LRRTM4: variants seen among roughly 807,000 people sequenced by gnomAD.
LRRTM4 encodes leucine-rich repeat transmembrane neuronal protein 4.
In LRRTM4, 25 loss-of-function variants were observed where a neutral mutation model predicts 47.6. The observed-to-expected ratio is 0.53, with a 90% CI of 0.38 to 0.73. The LOEUF (loss-of-function observed/expected upper bound fraction) is 0.73. Among genes scored for constraint, LRRTM4 ranks in the 30% least tolerant of loss-of-function variants. The pLI is 0.00. For synonymous variants in LRRTM4, 311 were observed against 269.5 expected, an observed-to-expected ratio of 1.15 and a Z score of -1.51; for missense variants, 638 against 713.4, an observed-to-expected ratio of 0.89 and a Z score of 1.20.
intron 3 of LRRTM4, among the ~76,000 whole-genome samples, chr2:77,360,537 A>ATACGATACGATACGATACGATACGATACG: frequency 8.3e-6 from 1 of 119,818 alleles, no homozygotes; most frequent in East Asian, 2.6e-4. Flanking sequence ...GATACGATAC[A>ATACGATACGATACGATACGATACGATACG]ATACAATCAT....
At chr2:76,845,593 G>C (rs1187204437) in intron 3 of LRRTM4, among the ~76,000 whole-genome samples, 2 of 152,106 alleles carry the variant, frequency 1.3e-5, no homozygotes, top group South Asian at 2.1e-4. Context: ...CCAGGTAGAG[G>C]GGAGCACTGA....
At chr2:77,094,190 C>T (rs1338749068) in intron 3 of LRRTM4, among the ~76,000 whole-genome samples, 1 of 151,940 alleles carries the variant, frequency 6.6e-6, no homozygotes, top group Non-Finnish European at 1.5e-5. Context: ...ATAATAGCAA[C>T]ACAAAATATA....
intron 3 of LRRTM4, among the ~76,000 whole-genome samples, chr2:77,045,699 C>T (rs1262936800): frequency 6.6e-6 from 1 of 151,898 alleles, no homozygotes; most frequent in African/African-American, 2.4e-5. Flanking sequence ...CTCCTCCTTG[C>T]CTTCCACCAT....
intron 3 of LRRTM4, among the ~76,000 whole-genome samples, chr2:77,079,925 AAT>A (rs1319084539): frequency 6.6e-6 from 1 of 152,050 alleles, no homozygotes; most frequent in Admixed American, 6.6e-5. Flanking sequence ...TTATGATAGA[AAT>A]ATATTTTTAA....
At chr2:77,372,979 T>TA (rs1672704817) in intron 3 of LRRTM4, among the ~76,000 whole-genome samples, 1 of 149,800 alleles carries the variant, frequency 6.7e-6, no homozygotes, top group South Asian at 2.1e-4. Context: ...AAAAGGGTCA[T>TA]AAGGAATATC....
At chr2:77,466,773 A>G (rs1051099418) in intron 3 of LRRTM4, among the ~76,000 whole-genome samples, 4 of 144,164 alleles carry the variant, frequency 2.8e-5, no homozygotes, top group African/African-American at 5.2e-5. Flanking sequence ...AACTCAGCTT[A>G]CTGCAACCTC....
chr2:77,415,260 C>T (rs1040864935), intron 3 of LRRTM4, among the ~76,000 whole-genome samples: 18 of 152,100 alleles, frequency 1.2e-4, no homozygotes, highest in African/African-American at 3.6e-4. Context: ...GTCTTAATTA[C>T]ATGTAACAGA....
chr2:76,819,591 G>A (rs2103853445), intron 3 of LRRTM4, among the ~76,000 whole-genome samples: 1 of 151,880 alleles, frequency 6.6e-6, no homozygotes, highest in African/African-American at 2.4e-5. Context: ...TCTATTTCAA[G>A]ATAATTTTGA....
intron 3 of LRRTM4, among the ~76,000 whole-genome samples, chr2:77,275,988 T>C (rs539757695): frequency 1.3e-5 from 2 of 152,118 alleles, no homozygotes; most frequent in East Asian, 3.9e-4. Context: ...TTTCAAAAAA[T>C]GGGAGTTTTG....
chr2:76,854,930 G>C (rs1426569096), intron 3 of LRRTM4, among the ~76,000 whole-genome samples: 7 of 147,624 alleles, frequency 4.7e-5, no homozygotes, highest in Non-Finnish European at 1.0e-4. Flanking sequence ...ATTAAAAAAA[G>C]AAAGAAACAG....
intron 1 of LRRTM4, 136 bp downstream of exon 1, chr2:77,521,973 C>A (rs1476115446): frequency 2.3e-5 from 15 of 645,296 alleles, no homozygotes; most frequent in Non-Finnish European, 3.4e-5. Context: ...GGCCTCTAGG[C>A]TCTGAGGACC....
At chr2:76,806,847 A>G (rs114717326) in intron 3 of LRRTM4, among the ~76,000 whole-genome samples, 1,653 of 152,248 alleles carry the variant, frequency 0.011, 11 homozygotes, top group Admixed American at 0.019. Flanking sequence ...GTACTTAGAA[A>G]AGATAAATGT....
chr2:76,980,541 A>C (rs538650473), intron 3 of LRRTM4, among the ~76,000 whole-genome samples: 3 of 152,226 alleles, frequency 2.0e-5, no homozygotes, highest in African/African-American at 7.2e-5. Context: ...ATCACTATGG[A>C]AAGAAGCCAC....
At chr2:77,103,202 A>G (rs1671003054) in intron 3 of LRRTM4, among the ~76,000 whole-genome samples, 1 of 152,204 alleles carries the variant, frequency 6.6e-6, no homozygotes, top group Non-Finnish European at 1.5e-5. Context: ...AGGCACTGCC[A>G]TAAGAAGCTG....
Position 76,916,092 on chromosome 2 carries a change from C to CAT in LRRTM4, c.1552-167177_1552-167176insAT, listed in dbSNP as rs1558736278. On this transcript the variant is annotated intron_variant, in intron 3 of 3. Transcript: ENST00000409884. ...AGACAGAAGAACAAAAAATGACACA[C>CAT]AGAACAGATGCAGGAGATAAAATAT... is the stretch of plus-strand genomic sequence containing the variant. Among the ~76,000 whole-genome samples the CAT allele has an allele frequency of 2.6e-5, 4 of 151,842 alleles. No homozygotes were observed. The East Asian group carries it at 5.8e-4, about 22-fold the overall frequency.
chr2:76,926,439 T>C (rs1368302845), intron 3 of LRRTM4, among the ~76,000 whole-genome samples: 2 of 152,156 alleles, frequency 1.3e-5, no homozygotes, highest in African/African-American at 4.8e-5. Context: ...CATTGCCTAT[T>C]TTGTATATGA....
At chr2:77,134,204 G>T (rs1671873818) in intron 3 of LRRTM4, among the ~76,000 whole-genome samples, 1 of 151,910 alleles carries the variant, frequency 6.6e-6, no homozygotes, top group African/African-American at 2.4e-5. Context: ...ACACATTTTT[G>T]TTCTAAAGAA....
chr2:76,790,835 A>AT (rs1027759609), intron 3 of LRRTM4, among the ~76,000 whole-genome samples: 8 of 152,154 alleles, frequency 5.3e-5, no homozygotes, highest in African/African-American at 1.7e-4. Context: ...CAGACTTGGC[A>AT]TGTTTCTCTA....
At chr2:77,237,344 T>C (rs1483205992) in intron 3 of LRRTM4, among the ~76,000 whole-genome samples, 1 of 152,106 alleles carries the variant, frequency 6.6e-6, no homozygotes, top group East Asian at 1.9e-4. Context: ...CAAAGAAGTA[T>C]TGATAATAGT....
Sources: gnomAD v4.1 joint callset for allele counts (sites outside exome capture counted in the v4.1 genomes callset) on GRCh38, gnomAD v4.1.1 for gene constraint, MANE v1.5 for transcripts, NCBI Gene and HGNC (gene_info 2026-07-23, HGNC 2026-07-21) for gene names.